Variants in CORO2B observed in about 807,000 individuals in gnomAD.
The protein encoded by CORO2B is coronin 2B.
In CORO2B, 26 loss-of-function variants were observed where a neutral mutation model predicts 58.8. The ratio of observed to expected loss-of-function variants is 0.44; its 90% confidence interval spans 0.32 to 0.61. The LOEUF (loss-of-function observed/expected upper bound fraction) is 0.61, where lower values mean the gene tolerates loss of function less well. CORO2B is among the 20% of genes least tolerant of loss of function. The pLI is 0.04. For synonymous variants in CORO2B, 242 were observed against 253.8 expected (o/e 0.95, Z 0.44); for missense variants, 460 against 645.1 (o/e 0.71, Z 3.11).
chr15:68,638,439 T>C (rs1335702820), intron 1 of CORO2B, among the ~76,000 whole-genome samples: 2 of 152,192 alleles, frequency 1.3e-5, no homozygotes, highest in Non-Finnish European at 2.9e-5. Flanking sequence ...AGGAAACTGA[T>C]ATTCAGACAG....
At chr15:68,705,892 G>T (rs912219676) in intron 3 of CORO2B, among the ~76,000 whole-genome samples, 5 of 152,166 alleles carry the variant, frequency 3.3e-5, no homozygotes, top group South Asian at 2.1e-4. Context: ...CTCAAGACAG[G>T]TTAACTGGCT....
At chr15:68,565,363 G>A in the CORO2B span, among the ~76,000 whole-genome samples, 1 of 150,950 alleles carries the variant, frequency 6.6e-6, no homozygotes, top group Non-Finnish European at 1.5e-5. Context: ...ATATTCATGT[G>A]CATATAGATA....
intron 1 of CORO2B, among the ~76,000 whole-genome samples, chr15:68,611,508 T>A (rs1335396919): frequency 1.3e-5 from 2 of 152,194 alleles, no homozygotes; most frequent in Non-Finnish European, 2.9e-5. Context: ...CATATTTTAC[T>A]GATTGTAATA....
intron 2 of CORO2B, among the ~76,000 whole-genome samples, chr15:68,673,698 G>A (rs1468392414): frequency 6.6e-6 from 1 of 151,850 alleles, no homozygotes; most frequent in Non-Finnish European, 1.5e-5. Flanking sequence ...TTAGCCAGGC[G>A]TGGTGGCATG....
At chr15:68,693,523 C>A (rs2140311891) in intron 2 of CORO2B, among the ~76,000 whole-genome samples, 1 of 152,322 alleles carries the variant, frequency 6.6e-6, no homozygotes, top group Non-Finnish European at 1.5e-5. Context: ...TCCTTTCCTC[C>A]AAACTCCCCA....
intron 2 of CORO2B, among the ~76,000 whole-genome samples, chr15:68,655,129 C>T (rs1901765578): frequency 6.6e-6 from 1 of 152,204 alleles, no homozygotes; most frequent in African/African-American, 2.4e-5. Context: ...GTTGGACTGC[C>T]TGCCAGGGTT....
chr15:68,561,543 A>C, the CORO2B span, among the ~76,000 whole-genome samples: 6 of 152,126 alleles, frequency 3.9e-5, no homozygotes, highest in African/African-American at 7.2e-5. Flanking sequence ...CTCCTCCCTC[A>C]ATCTTGCTGC....
chr15:68,712,581 A>G (rs1201184733), intron 5 of CORO2B, among the ~76,000 whole-genome samples: 1 of 152,178 alleles, frequency 6.6e-6, no homozygotes, highest in East Asian at 1.9e-4. Flanking sequence ...GGGCCCAAGC[A>G]CTTCAGATAA....
intron 1 of CORO2B, among the ~76,000 whole-genome samples, chr15:68,582,297 C>T (rs1461311888): frequency 6.6e-6 from 1 of 152,188 alleles, no homozygotes; most frequent in Admixed American, 6.5e-5. Flanking sequence ...AGTTACCTTA[C>T]TTTCTTTATA....
the CORO2B span, among the ~76,000 whole-genome samples, chr15:68,548,174 A>AATAT: frequency 0.011 from 1,675 of 146,250 alleles, 36 homozygotes; most frequent in African/African-American, 0.038. Flanking sequence ...CCATCTTAAA[A>AATAT]ATATATATAT....
intron 2 of CORO2B, among the ~76,000 whole-genome samples, chr15:68,655,517 G>T (rs1360040314): frequency 6.6e-6 from 1 of 152,180 alleles, no homozygotes; most frequent in African/African-American, 2.4e-5. Flanking sequence ...CCAAAAAGGA[G>T]AAGTGTCTTA....
chr15:68,551,377 G>A, the CORO2B span, among the ~76,000 whole-genome samples: 1 of 152,152 alleles, frequency 6.6e-6, no homozygotes, highest in South Asian at 2.1e-4. Flanking sequence ...CCTGGCATGA[G>A]GGTAGCTCAT....
At position 68,618,532 on chromosome 15, in the gene CORO2B, T is replaced by C. The variant is rs185002823; in HGVS notation, c.16-26628T>C. The stretch of plus-strand genomic sequence containing the variant: ...GTGATCAAAGGCTGGGAGGCGTGAG[T>C]GCGCAGCTGAGGAGATAGCACTGAT... On this transcript the variant is annotated intron_variant, in intron 1 of 11. Coordinates refer to ENST00000261861, the MANE Select transcript of CORO2B (RefSeq NM_006091.5). Among the ~76,000 whole-genome samples, 138 of 152,300 alleles carry C rather than the reference T, an allele frequency of 9.1e-4. 1 individual carries two copies. The South Asian group carries it at 0.013, about 15-fold the overall frequency.
intron 1 of CORO2B, among the ~76,000 whole-genome samples, chr15:68,582,351 G>A (rs951766290): frequency 2.0e-5 from 3 of 152,172 alleles, no homozygotes; most frequent in African/African-American, 7.2e-5. Flanking sequence ...AGAAAGAGTG[G>A]AGGGAAGGAA....
chr15:68,605,762 G>A (rs71402279), intron 1 of CORO2B, among the ~76,000 whole-genome samples: 13 of 130,496 alleles, frequency 1.0e-4, no homozygotes, highest in East Asian at 4.6e-4. Context: ...TCGCTGTGTC[G>A]CCCAGGCGGG....
intron 2 of CORO2B, among the ~76,000 whole-genome samples, chr15:68,689,148 G>A (rs1892295367): frequency 6.6e-6 from 1 of 152,106 alleles, no homozygotes; most frequent in African/African-American, 2.4e-5. Context: ...TGTTCTGTGA[G>A]CCCTCCAGGA....
At chr15:68,565,340 T>C in the CORO2B span, among the ~76,000 whole-genome samples, 3 of 151,476 alleles carry the variant, frequency 2.0e-5, no homozygotes, top group Non-Finnish European at 4.4e-5. Context: ...TTGGCATGCA[T>C]ATATATATGC....
At chr15:68,529,605 C>A in the CORO2B span, among the ~76,000 whole-genome samples, 1 of 63,760 alleles carries the variant, frequency 1.6e-5, no homozygotes, top group Non-Finnish European at 3.5e-5. Context: ...AGCACTCATG[C>A]TCACTCTCTC....
chr15:68,522,703 C>T, the CORO2B span, among the ~76,000 whole-genome samples: 1 of 152,160 alleles, frequency 6.6e-6, no homozygotes, highest in Non-Finnish European at 1.5e-5. Context: ...TTGGAATTTG[C>T]TTGATTTTTA....
Sources: allele counts gnomAD v4.1 joint callset (sites outside exome capture counted in the v4.1 genomes callset), GRCh38; gene constraint gnomAD v4.1.1; transcripts MANE v1.5; gene names NCBI Gene and HGNC (gene_info 2026-07-23, HGNC 2026-07-21).